Variants in ANO3 observed in about 807,000 individuals in gnomAD.
ANO3 encodes the protein anoctamin-3.
A neutral mutation model predicts 144.8 loss-of-function variants in ANO3; 99 were observed. That is an observed-to-expected ratio of 0.68 (90% CI 0.58 to 0.81). ANO3 has a LOEUF of 0.81. ANO3 is among the 30% of genes least tolerant of loss of function. The pLI is 0.00. For synonymous variants in ANO3, 414 were observed against 392.6 expected (o/e 1.05, Z -0.64); for missense variants, 905 against 1,202.2 (o/e 0.75, Z 3.66).
chr11:26,497,964 G>A (rs1861034105), intron 4 of ANO3, among the ~76,000 whole-genome samples: 1 of 151,942 alleles, frequency 6.6e-6, no homozygotes, highest in African/African-American at 2.4e-5. Context: ...TGGCAGAAGT[G>A]CAGAATAACT....
intron 16 of ANO3, among the ~76,000 whole-genome samples, chr11:26,599,277 T>G (rs1238508404): frequency 6.6e-6 from 1 of 152,130 alleles, no homozygotes; most frequent in African/African-American, 2.4e-5. Flanking sequence ...TTAGACATCT[T>G]GTGTTAAAAA....
At position 26,431,858 on chromosome 11, in the gene ANO3, A is replaced by G. The variant is rs555237394; in HGVS notation, c.47-10060A>G. ...CTTTGTTATTGTGAGCAGTGCTGCA[A>G]AGAACATTCACGTGCATGTGTCTTT... On this transcript the variant is annotated intron_variant, in intron 1 of 26. Coordinates refer to ENST00000256737, the MANE Select transcript of ANO3 (RefSeq NM_031418.4). Among the ~76,000 whole-genome samples the G allele has an allele frequency of 4.6e-5, 7 of 152,320 alleles. No individual in the cohort carries two copies. The East Asian group carries it at 5.8e-4, about 13-fold the overall frequency.
chr11:26,482,243 T>A (rs1033836352), intron 4 of ANO3, among the ~76,000 whole-genome samples: 6 of 151,928 alleles, frequency 3.9e-5, no homozygotes, highest in Non-Finnish European at 8.8e-5. Context: ...ATACTTTAAG[T>A]TTGAGGGTAC....
intron 9 of ANO3, among the ~76,000 whole-genome samples, chr11:26,536,571 G>A (rs969728572): frequency 6.6e-6 from 1 of 151,726 alleles, no homozygotes; most frequent in African/African-American, 2.4e-5. Flanking sequence ...ATATAAATTA[G>A]ACGTACATAT....
chr11:26,628,194 ATT>A (rs138992043), intron 18 of ANO3, among the ~76,000 whole-genome samples: 2,691 of 152,282 alleles, frequency 0.018, 42 homozygotes, highest in Non-Finnish European at 0.028. Flanking sequence ...TTAAAGATAA[ATT>A]GGGATTAGAA....
At chr11:26,393,259 T>G (rs900261564) in intron 1 of ANO3, among the ~76,000 whole-genome samples, 1 of 152,104 alleles carries the variant, frequency 6.6e-6, no homozygotes, top group South Asian at 2.1e-4. Flanking sequence ...ACAGTCCTCA[T>G]CTTGACCTGC....
intron 1 of ANO3, among the ~76,000 whole-genome samples, chr11:26,435,408 T>C (rs1371726989): frequency 6.6e-6 from 1 of 152,204 alleles, no homozygotes; most frequent in Admixed American, 6.5e-5. Context: ...GATGGTCTTG[T>C]GTAGAATCTT....
intron 1 of ANO3, among the ~76,000 whole-genome samples, chr11:26,379,405 A>G (rs934923097): frequency 2.6e-5 from 4 of 152,182 alleles, no homozygotes; most frequent in Admixed American, 6.5e-5. Flanking sequence ...AAGTTAGTAA[A>G]AGTACAAGAA....
chr11:26,442,206 T>C, intron 2 of ANO3, 94 bp downstream of exon 2: 1 of 1,260,084 alleles, frequency 7.9e-7, no homozygotes, highest in Non-Finnish European at 1.1e-6. Context: ...ACCAGTTTTA[T>C]AGAGCTCTTC....
At chr11:26,395,601 T>C (rs9943497) in intron 1 of ANO3, among the ~76,000 whole-genome samples, 40,113 of 151,950 alleles carry the variant, frequency 0.26, 5,927 homozygotes, top group African/African-American at 0.4. Flanking sequence ...TGTATAGGAA[T>C]GCTTGTGATT....
intron 1 of ANO3, among the ~76,000 whole-genome samples, chr11:26,402,675 A>C (rs189221060): frequency 4.7e-4 from 71 of 152,054 alleles, no homozygotes; most frequent in African/African-American, 1.6e-3. Context: ...TCATGGACAC[A>C]TAGAGGGGAA....
intron 1 of ANO3, among the ~76,000 whole-genome samples, chr11:26,264,485 T>C (rs11029456): frequency 0.02 from 3,052 of 152,280 alleles, 63 homozygotes; most frequent in East Asian, 0.12. Context: ...AAAGTGATGA[T>C]GTGAGAATCT....
intron 1 of ANO3, among the ~76,000 whole-genome samples, chr11:26,199,340 A>T (rs542536475): frequency 6.6e-6 from 1 of 152,094 alleles, no homozygotes; most frequent in Admixed American, 6.6e-5. Flanking sequence ...TAAAGAGAAA[A>T]TTTTATTTAA....
chr11:26,395,472 C>G (rs1856987492), intron 1 of ANO3, among the ~76,000 whole-genome samples: 1 of 152,090 alleles, frequency 6.6e-6, no homozygotes, highest in Admixed American at 6.6e-5. Flanking sequence ...GTTTGTAGTT[C>G]TCCTTGAAGA....
intron 4 of ANO3, among the ~76,000 whole-genome samples, chr11:26,479,966 A>G (rs1256394061): frequency 6.6e-6 from 1 of 152,182 alleles, no homozygotes; most frequent in African/African-American, 2.4e-5. Context: ...CGCTAGGGGC[A>G]GAGGAAAAGG....
chr11:26,447,072 G>T (rs1336452729), intron 3 of ANO3, among the ~76,000 whole-genome samples: 1 of 151,816 alleles, frequency 6.6e-6, no homozygotes, highest in African/African-American at 2.4e-5. Context: ...AGTCAAGCAC[G>T]GTGGCACGAC....
At chr11:26,449,092 G>C (rs1858818856) in intron 3 of ANO3, among the ~76,000 whole-genome samples, 1 of 152,104 alleles carries the variant, frequency 6.6e-6, no homozygotes, top group African/African-American at 2.4e-5. Flanking sequence ...ATCTGGGTCT[G>C]GTCTCTCTAG....
At chr11:26,429,025 C>T (rs1464071779) in intron 1 of ANO3, among the ~76,000 whole-genome samples, 1 of 152,188 alleles carries the variant, frequency 6.6e-6, no homozygotes, top group African/African-American at 2.4e-5. Flanking sequence ...ACAGCCGTGG[C>T]TCACTGGGTC....
intron 1 of ANO3, among the ~76,000 whole-genome samples, chr11:26,300,272 CAT>C (rs1019267842): frequency 6.6e-6 from 1 of 152,110 alleles, no homozygotes; most frequent in African/African-American, 2.4e-5. Flanking sequence ...CACACACACA[CAT>C]ACACACCTTA....
Sources: gnomAD v4.1 joint callset for allele counts (sites outside exome capture counted in the v4.1 genomes callset) on GRCh38, gnomAD v4.1.1 for gene constraint, MANE v1.5 for transcripts, NCBI Gene and HGNC (gene_info 2026-07-23, HGNC 2026-07-21) for gene names.